EVC: variants seen among roughly 807,000 people sequenced by gnomAD.
EVC encodes evC complex member EVC.
Under a neutral mutation model 118.9 loss-of-function variants are expected in EVC, and 116 were observed. The observed-to-expected ratio is 0.98, with a 90% CI of 0.84 to 1.14. The LOEUF is 1.14. EVC is among the 50% of genes most tolerant of loss of function. EVC has a pLI of 0.00. For missense variants in EVC, 1,401 were observed against 1,246.4 expected, an observed-to-expected ratio of 1.12 and a Z score of -1.87; for synonymous variants, 619 against 534.7, an observed-to-expected ratio of 1.16 and a Z score of -2.18.
intron 16 of EVC, among the ~76,000 whole-genome samples, chr4:5,802,361 G>A (rs1166534492): frequency 1.3e-5 from 2 of 152,164 alleles, no homozygotes; most frequent in African/African-American, 2.4e-5. Context: ...GATGGAGTCA[G>A]GGCCAGGGCT....
rs771775185 is a variant in EVC at position 5,783,581 on chromosome 4, C to G, written c.1593C>G (p.Phe531Leu). ...TGTACTTCAGCACCGTGGACACTTTCCAGAAGTTCGTGGATGCCCTGTTCC... is the reference window on the plus strand; with the variant it reads ...TGTACTTCAGCACCGTGGACACTTTGCAGAAGTTCGTGGATGCCCTGTTCC... ...QELYFSTVDTFQKFVDALFLQ... is the reference protein window; with the variant it reads ...QELYFSTVDTLQKFVDALFLQ... The change falls in exon 12 of 21, where the codon TTC becomes TTG. Residue 531 changes from phenylalanine to leucine, a missense_variant. By Grantham distance (22) the Phe-to-Leu change is conservative. Coordinates refer to ENST00000264956, the MANE Select transcript of EVC (RefSeq NM_153717.3). 13 of 1,614,020 alleles carry G rather than the reference C, an allele frequency of 8.1e-6. No individual in the cohort carries two copies. Among genetic ancestry groups the G allele is most frequent in the African/African-American group, 1.3e-5 (1 of 74,912 alleles).
chr4:5,763,413 A>G (rs1226807777), intron 11 of EVC, among the ~76,000 whole-genome samples: 1 of 147,776 alleles, frequency 6.8e-6, no homozygotes, highest in Non-Finnish European at 1.5e-5. Flanking sequence ...TGAACTTTAA[A>G]GTAGTTTTTT....
intron 12 of EVC, among the ~76,000 whole-genome samples, chr4:5,785,308 C>T (rs531913162): frequency 1.3e-5 from 2 of 152,240 alleles, no homozygotes; most frequent in Non-Finnish European, 2.9e-5. Flanking sequence ...CCTGGCAGTG[C>T]TGTTAAGCCA....
In EVC at chr4:5,814,225, T is replaced by A. The variant is rs1234875140; in HGVS notation, c.*3188T>A. 6.6e-6 allele frequency: 1 copy of A among 152,334 alleles called. No homozygotes were observed. The highest frequency in any genetic ancestry group is 1.5e-5 in the Non-Finnish European group (1 of 68,096). The allele number at this position is 152,334 out of a possible 1,614,324, so 9.4% of individuals were successfully genotyped here. ...TATGGGCTGTGGGCTGTTATGGTGATGGATGGATGTGGATTTGGAAGGGGA... is the reference window on the plus strand; with the variant it reads ...TATGGGCTGTGGGCTGTTATGGTGAAGGATGGATGTGGATTTGGAAGGGGA... On this transcript the variant is annotated 3_prime_UTR_variant, in exon 21 of 21. Transcript: ENST00000264956.
At chr4:5,786,386 ATTTGTTTAC>A (rs1211030907) in intron 12 of EVC, among the ~76,000 whole-genome samples, 1 of 152,064 alleles carries the variant, frequency 6.6e-6, no homozygotes, top group Non-Finnish European at 1.5e-5. Context: ...TGAATGTTTT[ATTTGTTTAC>A]TTTGTGAGCA....
At chr4:5,748,927 C>A (rs563933240) in intron 8 of EVC, among the ~76,000 whole-genome samples, 1 of 99,390 alleles carries the variant, frequency 1.0e-5, no homozygotes, top group East Asian at 2.6e-4. Flanking sequence ...GATTCTTGGG[C>A]CCCAGATGGG....
In EVC at chr4:5,749,879, C is replaced by T. The variant is rs1315557772; in HGVS notation, c.1098+1573C>T. 6.6e-6 allele frequency among the ~76,000 whole-genome samples: 1 copy of T among 152,148 alleles called. No individual in the cohort carries two copies. The highest frequency in any genetic ancestry group is 1.5e-5 in the Non-Finnish European group (1 of 68,022). On this transcript the variant is annotated intron_variant, in intron 8 of 20. Coordinates refer to ENST00000264956, the MANE Select transcript of EVC (RefSeq NM_153717.3). This position sits in a 1 kb window ranked among gnomAD's most constrained non-coding sequence, Gnocchi z 4.4. ...CACATGCCTCTCCCAATCCGCTCTG[C>T]TCCTCCAGGTGTGATCCACAGACCA...
rs1715603696 is a variant in EVC, at chr4:5,804,832, T to G, written c.2552T>G (p.Val851Gly). 1 of 1,613,574 alleles carries G rather than the reference T, an allele frequency of 6.2e-7. No individual in the cohort carries two copies. Among genetic ancestry groups the G allele is most frequent in the South Asian group, 1.1e-5 (1 of 91,058 alleles). ...AGGAHETSQA[V>G]HQRMLSQQKR... ...GGCGCTCATGAGACCTCCCAGGCGGTCCACCAGAGGTGAGGTCCCAACTGA... is the reference window on the plus strand; with the variant it reads ...GGCGCTCATGAGACCTCCCAGGCGGGCCACCAGAGGTGAGGTCCCAACTGA... Residue 851 changes from valine (V) to glycine (G), a missense_variant, in exon 17 of 21, where the codon GTC becomes GGC. Coordinates refer to ENST00000264956, the MANE Select transcript of EVC (RefSeq NM_153717.3).
intron 5 of EVC, among the ~76,000 whole-genome samples, chr4:5,741,291 C>A (rs1442579380): frequency 6.6e-6 from 1 of 152,214 alleles, no homozygotes; most frequent in Non-Finnish European, 1.5e-5. Context: ...ACATCTCCAT[C>A]CATTGAAACA....
At chr4:5,784,868 G>A (rs62297677) in intron 12 of EVC, among the ~76,000 whole-genome samples, 2 of 152,010 alleles carry the variant, frequency 1.3e-5, no homozygotes, top group African/African-American at 4.8e-5. Context: ...TTAGCCTCCC[G>A]AAGTGCTGGG....
At chr4:5,751,052 G>GA (rs1372490718) in intron 8 of EVC, among the ~76,000 whole-genome samples, 5 of 151,854 alleles carry the variant, frequency 3.3e-5, no homozygotes, top group East Asian at 1.9e-4. Flanking sequence ...AGACTCACAG[G>GA]AAAAAAAACA....
At chr4:5,760,881 C>A (rs1415593859) in intron 11 of EVC, among the ~76,000 whole-genome samples, 1 of 152,174 alleles carries the variant, frequency 6.6e-6, no homozygotes, top group Non-Finnish European at 1.5e-5. Flanking sequence ...GCATGTCTCC[C>A]AGAATTAGTC....
rs1728925664 is a variant in EVC at position 5,743,555 on chromosome 4, T to A, written c.802-1649T>A. On this transcript the variant is annotated intron_variant, in intron 6 of 20. Coordinates refer to ENST00000264956, the MANE Select transcript of EVC (RefSeq NM_153717.3). The surrounding 1 kb of genome is among the most constrained non-coding windows in gnomAD (Gnocchi z 4.7). ...TTTCCTGCTACCTCTACCTTCACCT[T>A]CATTAGAGTCCTCATTGTCATCGTC... 6.6e-6 allele frequency among the ~76,000 whole-genome samples: 1 copy of A among 152,158 alleles called. No individual in the cohort carries two copies. The highest frequency in any genetic ancestry group is 2.4e-5 in the African/African-American group (1 of 41,438).
At chr4:5,809,700 G>A (rs1383619270) in intron 19 of EVC, 89 bp downstream of exon 19, 1 of 1,199,588 alleles carries the variant, frequency 8.3e-7, no homozygotes, top group Non-Finnish European at 1.2e-6. Context: ...AACTAGCTGT[G>A]TGACCTTAGG....
At chr4:5,796,900 G>T in intron 13 of EVC, 122 bp from the exon 14 acceptor site, 1 of 780,750 alleles carries the variant, frequency 1.3e-6, no homozygotes, top group Non-Finnish European at 2.3e-6. Flanking sequence ...AGCAGAGGGC[G>T]GTGATTCCAA....
chr4:5,752,549 T>G, intron 8 of EVC: 1 of 517,960 alleles, frequency 1.9e-6, no homozygotes, highest in South Asian at 2.1e-5. Context: ...AAATCTGGAT[T>G]CCCTCCTAGG....
Position 5,811,303 on chromosome 4 carries a change from ATC to A in EVC, c.*268_*269del. The stretch of plus-strand genomic sequence containing the variant: ...GGAGCCCTGGCTCGATGCCTCATGG[ATC>A]TTTCTCCCCAAGGAGGGACGTCTTG... On this transcript the variant is annotated 3_prime_UTR_variant, in exon 21 of 21. Transcript: ENST00000264956. The A allele has an allele frequency of 2.2e-6, 1 of 452,326 alleles. No homozygotes were observed. Among genetic ancestry groups the A allele is most frequent in the East Asian group, 4.3e-5 (1 of 23,430 alleles). The allele number at this position is 452,326 out of a possible 1,614,324, so 28.0% of individuals were successfully genotyped here. A position where few individuals can be genotyped will look rare whatever the true frequency, so the allele number is the denominator to read the frequency against.
At chr4:5,718,845 C>G (rs956654371) in intron 1 of EVC, among the ~76,000 whole-genome samples, 1 of 152,200 alleles carries the variant, frequency 6.6e-6, no homozygotes, top group Non-Finnish European at 1.5e-5. Context: ...ATAGAATGAT[C>G]AAGATCAACA....
chr4:5,803,844 G>C (rs1380989375), intron 16 of EVC, among the ~76,000 whole-genome samples: 1 of 152,144 alleles, frequency 6.6e-6, no homozygotes, highest in Non-Finnish European at 1.5e-5. Flanking sequence ...GTACCTTGAA[G>C]AGGTAATCCT....
Sources: gnomAD v4.1 joint callset for allele counts (sites outside exome capture counted in the v4.1 genomes callset) on GRCh38, gnomAD v4.1.1 for gene constraint, Gnocchi (gnomAD v3.1) non-coding constraint, MANE v1.5 for transcripts, NCBI Gene and HGNC (gene_info 2026-07-23, HGNC 2026-07-21) for gene names.